The following MYRIP variants were observed in gnomAD, a reference collection of about 807,000 sequenced individuals.
MYRIP encodes the protein myosin VIIA and Rab interacting protein.
A neutral mutation model predicts 98.0 loss-of-function variants in MYRIP; 49 were observed. That is an observed-to-expected ratio of 0.50 (90% CI 0.40 to 0.63). MYRIP has a LOEUF of 0.63. Ranked by LOEUF, MYRIP falls within the 30% of genes least tolerant of loss-of-function variation. MYRIP has a pLI of 0.00. For synonymous variants in MYRIP, 404 were observed against 409.5 expected, an observed-to-expected ratio of 0.99 and a Z score of 0.16; for missense variants, 1,004 against 1,058.2, an observed-to-expected ratio of 0.95 and a Z score of 0.71.
At chr3:40,041,011 T>A (rs952665436) in intron 2 of MYRIP, among the ~76,000 whole-genome samples, 1,244 of 25,502 alleles carry the variant, frequency 0.049, no homozygotes, top group Middle Eastern at 0.12. Context: ...AAAAAGAAAA[T>A]ATTACCAGCA....
At chr3:40,047,262 TGAG>T in intron 3 of MYRIP, among the ~76,000 whole-genome samples, 1 of 152,338 alleles carries the variant, frequency 6.6e-6, no homozygotes, top group East Asian at 1.9e-4. Context: ...AGCAACTTAA[TGAG>T]GAGGCAGGAG....
At chr3:40,228,640 T>C (rs748351642) in intron 11 of MYRIP, among the ~76,000 whole-genome samples, 6 of 152,234 alleles carry the variant, frequency 3.9e-5, no homozygotes, top group Non-Finnish European at 8.8e-5. Context: ...CTCTTGTTCT[T>C]GTTATAGGTG....
In MYRIP at chr3:40,209,897, G is replaced by C. The variant is rs146905729; in HGVS notation, c.1709G>C (p.Arg570Pro). 1 of 1,613,948 alleles carries C rather than the reference G, an allele frequency of 6.2e-7. No individual in the cohort carries two copies. Among genetic ancestry groups the C allele is most frequent in the South Asian group, 1.1e-5 (1 of 91,070 alleles). ...GAGACAGACATCAGCAATGAGGCTC[G>C]GGATCCCCAGACTCTCACAGACACC... The part of the protein sequence containing the change: ...LSETDISNEA[R>P]DPQTLTDTTE... The change falls in exon 11 of 17, where the codon CGG becomes CCG. Residue 570 changes from arginine to proline, a missense_variant. Transcript: ENST00000302541.
chr3:39,974,187 A>C (rs1220575603), intron 2 of MYRIP, among the ~76,000 whole-genome samples: 1 of 152,186 alleles, frequency 6.6e-6, no homozygotes, highest in Admixed American at 6.5e-5. Flanking sequence ...GAGAAGAATC[A>C]AATAGACGCA....
chr3:40,081,825 C>A (rs1948485504), intron 3 of MYRIP, among the ~76,000 whole-genome samples: 1 of 152,140 alleles, frequency 6.6e-6, no homozygotes, highest in African/African-American at 2.4e-5. Flanking sequence ...CCAACATCTC[C>A]CCATGCCCCC....
At position 40,251,883 on chromosome 3, in the gene MYRIP, G is replaced by GA. The variant is rs772072805; in HGVS notation, c.2437dup (p.Ile813AsnfsTer2). 4 of 1,603,456 alleles carry GA rather than the reference G, an allele frequency of 2.5e-6. No individual in the cohort carries two copies. The highest frequency in any genetic ancestry group is 3.4e-6 in the Non-Finnish European group (4 of 1,170,574). On this transcript the variant is annotated frameshift_variant, in exon 16 of 17. Transcript: ENST00000302541. LOFTEE classifies it high-confidence loss of function. ...TTTTCCCATTTATTTCCTTTTAGCT[G>GA]AAAAAATTGAGACATCTTCAGTGAC...
intron 2 of MYRIP, among the ~76,000 whole-genome samples, chr3:40,021,228 G>T (rs972801637): frequency 6.6e-6 from 1 of 152,162 alleles, no homozygotes; most frequent in African/African-American, 2.4e-5. Flanking sequence ...TTTAGGAAAG[G>T]TGGTTCACTA....
At chr3:40,051,548 A>G (rs1947795658) in intron 3 of MYRIP, among the ~76,000 whole-genome samples, 1 of 152,106 alleles carries the variant, frequency 6.6e-6, no homozygotes, top group Non-Finnish European at 1.5e-5. Flanking sequence ...TGTGTGACTC[A>G]CTTTTTTGTG....
intron 3 of MYRIP, among the ~76,000 whole-genome samples, chr3:40,133,310 A>G (rs552188544): frequency 1.1e-4 from 16 of 152,360 alleles, no homozygotes; most frequent in African/African-American, 3.6e-4. Context: ...CAGAAAAACC[A>G]ATATGCTGTA....
intron 1 of MYRIP, among the ~76,000 whole-genome samples, chr3:39,890,391 C>T (rs1186171130): frequency 1.3e-5 from 2 of 151,918 alleles, no homozygotes; most frequent in Non-Finnish European, 2.9e-5. Context: ...TCATGGATGT[C>T]ATTTATCATT....
intron 3 of MYRIP, among the ~76,000 whole-genome samples, chr3:40,126,910 A>T (rs1575558693): frequency 6.6e-6 from 1 of 152,218 alleles, no homozygotes; most frequent in Non-Finnish European, 1.5e-5. Flanking sequence ...TGACAGACCC[A>T]GTTGGAAAGT....
At chr3:40,090,179 C>T (rs1383227511) in intron 3 of MYRIP, among the ~76,000 whole-genome samples, 1 of 152,056 alleles carries the variant, frequency 6.6e-6, no homozygotes, top group African/African-American at 2.4e-5. Flanking sequence ...TACAAAATCC[C>T]TGATCTTTCT....
At chr3:40,158,246 G>A (rs1398563249) in intron 4 of MYRIP, among the ~76,000 whole-genome samples, 33 of 151,996 alleles carry the variant, frequency 2.2e-4, no homozygotes, top group African/African-American at 6.3e-4. Context: ...CCTTTATTTC[G>A]TTATGTACCC....
intron 3 of MYRIP, among the ~76,000 whole-genome samples, chr3:40,115,026 A>AT (rs1208202667): frequency 6.6e-6 from 1 of 152,210 alleles, no homozygotes; most frequent in Non-Finnish European, 1.5e-5. Context: ...ATAGTAGAAT[A>AT]TTCTACAATG....
At chr3:40,155,341 A>G (rs1055012141) in intron 4 of MYRIP, among the ~76,000 whole-genome samples, 1 of 150,366 alleles carries the variant, frequency 6.7e-6, no homozygotes, top group Non-Finnish European at 1.5e-5. Flanking sequence ...TTATGGCTGC[A>G]TAGTATTCCA....
At chr3:39,944,485 G>A (rs1161986868) in intron 2 of MYRIP, among the ~76,000 whole-genome samples, 1 of 151,942 alleles carries the variant, frequency 6.6e-6, no homozygotes, top group Admixed American at 6.6e-5. Context: ...GGAAGAGCGG[G>A]AGAAAGGGAG....
intron 1 of MYRIP, among the ~76,000 whole-genome samples, chr3:39,817,148 G>A (rs1223264401): frequency 6.6e-6 from 1 of 152,162 alleles, no homozygotes; most frequent in Non-Finnish European, 1.5e-5. Context: ...GGAGAACTTC[G>A]TGAAACTGAT....
chr3:39,963,093 T>C (rs1945363309), intron 2 of MYRIP, among the ~76,000 whole-genome samples: 1 of 152,108 alleles, frequency 6.6e-6, no homozygotes, highest in Non-Finnish European at 1.5e-5. Context: ...AAAAGGCACA[T>C]ACTTTGGATT....
chr3:40,070,338 C>T (rs1948199309), intron 3 of MYRIP, among the ~76,000 whole-genome samples: 1 of 152,116 alleles, frequency 6.6e-6, no homozygotes, highest in South Asian at 2.1e-4. Context: ...AGCGTAACTC[C>T]ACAAGAGCTC....
Sources: gnomAD v4.1 joint callset for allele counts (sites outside exome capture counted in the v4.1 genomes callset) on GRCh38, gnomAD v4.1.1 for gene constraint, MANE v1.5 for transcripts, NCBI Gene and HGNC (gene_info 2026-07-23, HGNC 2026-07-21) for gene names.